Variants in SEMA6A observed in about 807,000 individuals in gnomAD.
The protein encoded by SEMA6A is semaphorin-6A.
In SEMA6A, 25 loss-of-function variants were observed where a neutral mutation model predicts 96.8. The observed-to-expected ratio is 0.26, with a 90% CI of 0.19 to 0.36. SEMA6A has a LOEUF of 0.36. Among genes scored for constraint, SEMA6A ranks in the 10% least tolerant of loss-of-function variants. SEMA6A has a pLI of 1.00. For missense variants in SEMA6A, 1,363 were observed against 1,323.1 expected, an observed-to-expected ratio of 1.03 and a Z score of -0.47; for synonymous variants, 612 against 518.0, an observed-to-expected ratio of 1.18 and a Z score of -2.46.
chr5:116,477,240 G>A (rs1756499608), intron 15 of SEMA6A, among the ~76,000 whole-genome samples: 2 of 151,334 alleles, frequency 1.3e-5, no homozygotes, highest in South Asian at 2.1e-4. Flanking sequence ...TAAAGCCAGG[G>A]TAACAATTTT....
intron 1 of SEMA6A, among the ~76,000 whole-genome samples, chr5:116,572,038 G>A (rs1761236531): frequency 6.6e-6 from 1 of 152,118 alleles, no homozygotes; most frequent in Admixed American, 6.5e-5. Flanking sequence ...GGGGAAGGAC[G>A]ACGAACAATT....
intron 1 of SEMA6A, among the ~76,000 whole-genome samples, chr5:116,536,896 C>CAAAAAAAAAAAAAAAAAAAAA (rs1344678482): frequency 3.5e-4 from 28 of 80,074 alleles, no homozygotes; most frequent in African/African-American, 6.3e-4. Flanking sequence ...AAAAAAAAAG[C>CAAAAAAAAAAAAAAAAAAAAA]AAAACTGGTG....
chr5:116,524,027 C>T (rs909807991), intron 1 of SEMA6A, among the ~76,000 whole-genome samples: 1 of 152,230 alleles, frequency 6.6e-6, no homozygotes, highest in African/African-American at 2.4e-5. Context: ...AACCTACCCT[C>T]ATGCCAACCC....
intron 5 of SEMA6A, 58 bp downstream of exon 5, chr5:116,496,193 A>C: frequency 1.4e-6 from 2 of 1,382,166 alleles, no homozygotes; most frequent in Non-Finnish European, 2.1e-6. Flanking sequence ...ATGGCTGGAG[A>C]TAACAGTCAA....
chr5:116,487,516 T>C (rs1004531321), intron 9 of SEMA6A, among the ~76,000 whole-genome samples: 2 of 151,760 alleles, frequency 1.3e-5, no homozygotes, highest in African/African-American at 4.8e-5. Flanking sequence ...AGCAACTCAA[T>C]TAAGAAAAAA....
chr5:116,535,899 C>T lies in SEMA6A; in HGVS notation c.-38-30917G>A, dbSNP rs528397999. On this transcript the variant is annotated intron_variant, in intron 1 of 18. Coordinates refer to ENST00000343348, the MANE Select transcript of SEMA6A (RefSeq NM_020796.5). The stretch of plus-strand genomic sequence containing the variant: ...GCAAGAAGATATGCTGGTCATTTTG[C>T]GTAGCCTTTTAGTTTTTAGGCATTT... Among the ~76,000 whole-genome samples, 27 of 152,272 alleles carry T rather than the reference C, an allele frequency of 1.8e-4. No homozygotes were observed. In the South Asian group the frequency reaches 5.2e-3, roughly 29 times the overall value.
chr5:116,474,986 AC>A (rs1396044647), intron 16 of SEMA6A, among the ~76,000 whole-genome samples: 3 of 152,216 alleles, frequency 2.0e-5, no homozygotes, highest in African/African-American at 7.2e-5. Context: ...TCTGAGATTT[AC>A]ATAGTAGGCC....
intron 18 of SEMA6A, among the ~76,000 whole-genome samples, chr5:116,448,575 C>G (rs928682207): frequency 2.0e-5 from 3 of 152,198 alleles, no homozygotes; most frequent in African/African-American, 7.2e-5. Context: ...ACACTCTGGG[C>G]TTCCAGTTGG....
At chr5:116,527,439 C>T (rs1759278147) in intron 1 of SEMA6A, among the ~76,000 whole-genome samples, 1 of 152,064 alleles carries the variant, frequency 6.6e-6, no homozygotes, top group South Asian at 2.1e-4. Context: ...AATACATGCG[C>T]TTTTTTCTAC....
chr5:116,458,092 A>G (rs1292658848), intron 18 of SEMA6A, among the ~76,000 whole-genome samples: 1 of 152,170 alleles, frequency 6.6e-6, no homozygotes, highest in African/African-American at 2.4e-5. Flanking sequence ...AACTTCTAAC[A>G]AGCCTTTTAA....
At chr5:116,517,472 A>C (rs191568497) in intron 1 of SEMA6A, among the ~76,000 whole-genome samples, 2 of 152,366 alleles carry the variant, frequency 1.3e-5, no homozygotes, top group African/African-American at 4.8e-5. Flanking sequence ...AATTTAAAAA[A>C]AAAAGTAATC....
intron 10 of SEMA6A, 44 bp downstream of exon 10, chr5:116,486,705 G>T: frequency 6.6e-7 from 1 of 1,505,714 alleles, no homozygotes; most frequent in Non-Finnish European, 9.2e-7. Flanking sequence ...GGAGAAGGAA[G>T]CCAGGAAGAA....
intron 1 of SEMA6A, among the ~76,000 whole-genome samples, chr5:116,520,248 C>A (rs1227418941): frequency 6.8e-6 from 1 of 146,516 alleles, no homozygotes; most frequent in Non-Finnish European, 1.5e-5. Flanking sequence ...CCCAAAGCAG[C>A]CTGATGCTTT....
chr5:116,515,040 T>A (rs1758602436), intron 1 of SEMA6A, among the ~76,000 whole-genome samples: 2 of 152,214 alleles, frequency 1.3e-5, no homozygotes, highest in Non-Finnish European at 2.9e-5. Context: ...TGGCAAAGGC[T>A]TCTGGTTGGA....
intron 1 of SEMA6A, among the ~76,000 whole-genome samples, chr5:116,536,063 A>G (rs1372876516): frequency 6.6e-6 from 1 of 152,224 alleles, no homozygotes. Context: ...TACAAGTAAC[A>G]TAATAATTTC....
In SEMA6A at chr5:116,445,576, A is replaced by T. The variant is rs150132955; in HGVS notation, c.*1037T>A. 6.6e-6 allele frequency: 1 copy of T among 152,604 alleles called. No homozygotes were observed. Among genetic ancestry groups the T allele is most frequent in the East Asian group, 1.9e-4 (1 of 5,188 alleles). The allele number at this position is 152,604 out of a possible 1,614,324, so 9.5% of individuals were successfully genotyped here. A position where few individuals can be genotyped will look rare whatever the true frequency, so the allele number is the denominator to read the frequency against. ...AAGCTTTCTCTCCTGATTGCTTTAG[A>T]AATTAGGATCTGGAAGGACTTTAAC... is the stretch of plus-strand genomic sequence containing the variant. On this transcript the variant is annotated 3_prime_UTR_variant, in exon 19 of 19. Transcript: ENST00000343348.
At chr5:116,547,287 T>A (rs1261997513) in intron 1 of SEMA6A, among the ~76,000 whole-genome samples, 4 of 152,224 alleles carry the variant, frequency 2.6e-5, no homozygotes, top group Non-Finnish European at 5.9e-5. Context: ...TTTATGGAAA[T>A]CTTTGCTTTG....
intron 16 of SEMA6A, 102 bp from the exon 17 acceptor site, chr5:116,473,195 T>C (rs1266749978): frequency 3.6e-6 from 4 of 1,109,300 alleles, no homozygotes; most frequent in Non-Finnish European, 4.0e-6. Flanking sequence ...TGCCAGCGTA[T>C]GGTCCCCGAT....
At chr5:116,513,391 T>G (rs1217613231) in intron 1 of SEMA6A, among the ~76,000 whole-genome samples, 1 of 152,144 alleles carries the variant, frequency 6.6e-6, no homozygotes, top group Non-Finnish European at 1.5e-5. Context: ...CCTCCCAAAG[T>G]GCTAGGAGTA....
Sources: gnomAD v4.1 joint callset for allele counts (sites outside exome capture counted in the v4.1 genomes callset) on GRCh38, gnomAD v4.1.1 for gene constraint, MANE v1.5 for transcripts, NCBI Gene and HGNC (gene_info 2026-07-23, HGNC 2026-07-21) for gene names.